SEC24D: variants seen among roughly 807,000 people sequenced by gnomAD.
SEC24D encodes SEC24 homolog D, COPII component, also known as protein transport protein Sec24D.
Under a neutral mutation model 116.9 loss-of-function variants are expected in SEC24D, and 69 were observed. The ratio of observed to expected loss-of-function variants is 0.59; its 90% CI spans 0.49 to 0.72. The LOEUF (loss-of-function observed/expected upper bound fraction) is 0.72, where lower values mean the gene tolerates loss of function less well. Among genes scored for constraint, SEC24D ranks in the 30% least tolerant of loss-of-function variants. The pLI, the probability that SEC24D is intolerant of heterozygous loss-of-function variation, is 0.00. For synonymous variants in SEC24D, 405 were observed against 442.8 expected (o/e 0.91, Z 1.07); for missense variants, 1,131 against 1,264.1 (o/e 0.89, Z 1.60).
At chr4:118,779,363 T>A (rs1240112780) in intron 8 of SEC24D, among the ~76,000 whole-genome samples, 2 of 152,216 alleles carry the variant, frequency 1.3e-5, no homozygotes, top group African/African-American at 4.8e-5. Context: ...GAGATAATCA[T>A]GTGGTTTTTG....
At chr4:118,740,560 T>C in intron 17 of SEC24D, 103 bp downstream of exon 17, 1 of 1,326,576 alleles carries the variant, frequency 7.5e-7, no homozygotes, top group Non-Finnish European at 1.0e-6. Flanking sequence ...AGTTGAATTT[T>C]TTTATGAAGA....
At chr4:118,782,873 G>A (rs1173944309) in intron 8 of SEC24D, among the ~76,000 whole-genome samples, 3 of 152,216 alleles carry the variant, frequency 2.0e-5, no homozygotes, top group African/African-American at 7.2e-5. Flanking sequence ...TGCACTAGCC[G>A]TGAGCAAGAC....
intron 21 of SEC24D, 144 bp from the exon 22 acceptor site, chr4:118,728,794 G>A (rs578224930): frequency 4.7e-5 from 24 of 513,788 alleles, no homozygotes; most frequent in Middle Eastern, 5.2e-4. Context: ...AAAACTGTGG[G>A]GAAAATGCAC....
intron 13 of SEC24D, among the ~76,000 whole-genome samples, chr4:118,746,535 A>G (rs967956832): frequency 6.6e-6 from 1 of 151,998 alleles, no homozygotes; most frequent in African/African-American, 2.4e-5. Context: ...GTCTGAATCT[A>G]TCTTTCCAGT....
intron 10 of SEC24D, among the ~76,000 whole-genome samples, chr4:118,759,820 CA>C (rs1190945497): frequency 6.6e-6 from 1 of 152,182 alleles, no homozygotes; most frequent in African/African-American, 2.4e-5. Context: ...TCTATATAGG[CA>C]ACTCTTCAAA....
intron 12 of SEC24D, among the ~76,000 whole-genome samples, chr4:118,752,422 T>C (rs1726885059): frequency 1.3e-5 from 2 of 152,138 alleles, no homozygotes; most frequent in Admixed American, 1.3e-4. Context: ...AGGAAATAGC[T>C]CCCTTGCGAT....
Position 118,820,411 on chromosome 4 carries a change from C to T in SEC24D, c.249-2999G>A, listed in dbSNP as rs1730351597. On this transcript the variant is annotated intron_variant, in intron 3 of 22. Coordinates refer to ENST00000280551, the MANE Select transcript of SEC24D (RefSeq NM_014822.4). ...GACCAAGATGGTCTCAATCTCGTGA[C>T]CTCGTGATCCGCCCGCCTTGGCCTT... Among the ~76,000 whole-genome samples, 4 of 152,118 alleles carry T rather than the reference C, an allele frequency of 2.6e-5. No individual in the cohort carries two copies. The South Asian group carries it at 8.3e-4, about 32-fold the overall frequency.
intron 13 of SEC24D, among the ~76,000 whole-genome samples, chr4:118,747,918 C>G (rs78170794): frequency 0.01 from 1,537 of 152,266 alleles, 25 homozygotes; most frequent in African/African-American, 0.035. Context: ...AGAATTCCAT[C>G]ATCCAGTACA....
intron 10 of SEC24D, among the ~76,000 whole-genome samples, chr4:118,759,429 T>A (rs1014110988): frequency 2.0e-5 from 3 of 152,194 alleles, no homozygotes; most frequent in African/African-American, 7.2e-5. Context: ...TTAGCTTTCT[T>A]AATCTATTTC....
At chr4:118,761,631 G>A (rs1181389327) in intron 10 of SEC24D, among the ~76,000 whole-genome samples, 1 of 152,216 alleles carries the variant, frequency 6.6e-6, no homozygotes, top group Non-Finnish European at 1.5e-5. Flanking sequence ...GTTTGGCATA[G>A]TGTTTGAAAA....
intron 19 of SEC24D, among the ~76,000 whole-genome samples, chr4:118,734,803 C>A (rs1357081156): frequency 1.3e-5 from 2 of 152,128 alleles, no homozygotes; most frequent in Non-Finnish European, 2.9e-5. Flanking sequence ...GAGTAGAACA[C>A]TCTCTTCTAA....
chr4:118,730,251 T>G (rs1330494945), intron 21 of SEC24D: 2 of 152,224 alleles, frequency 1.3e-5, no homozygotes, highest in Non-Finnish European at 2.9e-5. Context: ...TTTTTTAAAT[T>G]GCATTTATAA....
At chr4:118,771,348 T>A (rs1578417113) in intron 8 of SEC24D, among the ~76,000 whole-genome samples, 1 of 152,146 alleles carries the variant, frequency 6.6e-6, no homozygotes, top group East Asian at 1.9e-4. Context: ...TGTTCTTAAG[T>A]GGAAAAGTGA....
intron 10 of SEC24D, among the ~76,000 whole-genome samples, chr4:118,760,771 G>A (rs1051376213): frequency 2.6e-4 from 39 of 151,830 alleles, no homozygotes; most frequent in Non-Finnish European, 1.9e-4. Context: ...GCAGTGGTGC[G>A]ATCTCGGCTC....
At chr4:118,775,924 A>C (rs185250861) in intron 8 of SEC24D, among the ~76,000 whole-genome samples, 3 of 152,284 alleles carry the variant, frequency 2.0e-5, no homozygotes, top group Admixed American at 2.0e-4. Context: ...ATATGTTTGA[A>C]TACTGTGAAC....
At chr4:118,806,254 C>T (rs988622030) in intron 6 of SEC24D, among the ~76,000 whole-genome samples, 2 of 152,150 alleles carry the variant, frequency 1.3e-5, no homozygotes, top group African/African-American at 2.4e-5. Flanking sequence ...AATCTGACAA[C>T]GTGACCCTTC....
chr4:118,822,416 C>A (rs914364935), intron 3 of SEC24D, among the ~76,000 whole-genome samples: 11 of 152,134 alleles, frequency 7.2e-5, no homozygotes, highest in African/African-American at 2.7e-4. Context: ...TCCTAAGCAA[C>A]CTGATCAAGT....
At chr4:118,775,256 C>T (rs1254837581) in intron 8 of SEC24D, among the ~76,000 whole-genome samples, 2 of 144,908 alleles carry the variant, frequency 1.4e-5, no homozygotes, top group Non-Finnish European at 3.0e-5. Flanking sequence ...AGGGGTCGGT[C>T]AATGGTTTCT....
chr4:118,780,907 C>CTT (rs143712578), intron 8 of SEC24D, among the ~76,000 whole-genome samples: 42 of 61,860 alleles, frequency 6.8e-4, no homozygotes, highest in South Asian at 7.4e-4. Flanking sequence ...GCAACCCCTG[C>CTT]TTTTTTTTTT....
Sources: allele counts gnomAD v4.1 joint callset (sites outside exome capture counted in the v4.1 genomes callset), GRCh38; gene constraint gnomAD v4.1.1; transcripts MANE v1.5; gene names NCBI Gene and HGNC (gene_info 2026-07-23, HGNC 2026-07-21).